CNTN5: variants seen among roughly 807,000 people sequenced by gnomAD.
CNTN5 encodes contactin-5.
A neutral mutation model predicts 129.1 loss-of-function variants in CNTN5; 77 were observed. The ratio of observed to expected loss-of-function variants is 0.60; its 90% CI spans 0.50 to 0.72. CNTN5 has a LOEUF of 0.72. CNTN5 is among the 30% of genes least tolerant of loss of function. The pLI is 0.00. For missense variants in CNTN5, 1,478 were observed against 1,328.8 expected (o/e 1.11, Z -1.75); for synonymous variants, 509 against 465.6 (o/e 1.09, Z -1.20).
At chr11:99,356,628 G>C (rs1938692254) in intron 2 of CNTN5, among the ~76,000 whole-genome samples, 1 of 152,152 alleles carries the variant, frequency 6.6e-6, no homozygotes, top group South Asian at 2.1e-4. Context: ...AACCCTCTTA[G>C]AGTATATTTA....
chr11:100,148,409 A>C lies in CNTN5; in HGVS notation c.1581-42717A>C, dbSNP rs543481292. 2.2e-4 allele frequency among the ~76,000 whole-genome samples: 34 copies of C among 152,336 alleles called. 1 individual carries two copies. The highest frequency in any genetic ancestry group is 1.4e-3 in the Admixed American group (21 of 15,294). On this transcript the variant is annotated intron_variant, in intron 13 of 24. Transcript: ENST00000524871. ...TAACTCATGTTTCAATGTGAAAGAC[A>C]AATAGCCATAGCCTCTTTCTCTTTT...
intron 4 of CNTN5, among the ~76,000 whole-genome samples, chr11:99,823,523 G>A (rs949645862): frequency 6.6e-6 from 1 of 151,458 alleles, no homozygotes; most frequent in African/African-American, 2.4e-5. Flanking sequence ...GAAAAAAAAA[G>A]GCAAATGCTG....
chr11:99,783,752 T>C (rs1253425625), intron 3 of CNTN5, among the ~76,000 whole-genome samples: 1 of 149,516 alleles, frequency 6.7e-6, no homozygotes, highest in African/African-American at 2.5e-5. Flanking sequence ...TTCTCACTCA[T>C]AGGTGGGAAT....
intron 20 of CNTN5, among the ~76,000 whole-genome samples, chr11:100,303,451 TC>T (rs1302568408): frequency 1.3e-5 from 2 of 151,748 alleles, no homozygotes; most frequent in African/African-American, 4.8e-5. Context: ...TTAGTTCTTC[TC>T]ACCATAACTT....
intron 2 of CNTN5, among the ~76,000 whole-genome samples, chr11:99,459,634 A>C (rs532709367): frequency 6.6e-6 from 1 of 152,070 alleles, no homozygotes; most frequent in Non-Finnish European, 1.5e-5. Context: ...TCAGGAATAT[A>C]TTTTTTTCTA....
intron 13 of CNTN5, among the ~76,000 whole-genome samples, chr11:100,099,829 G>A (rs933678625): frequency 6.6e-6 from 1 of 151,910 alleles, no homozygotes; most frequent in Non-Finnish European, 1.5e-5. Flanking sequence ...TAAGTTACGT[G>A]TTATCTCATT....
At chr11:99,865,568 A>G (rs1219834626) in intron 6 of CNTN5, among the ~76,000 whole-genome samples, 1 of 151,998 alleles carries the variant, frequency 6.6e-6, no homozygotes, top group Non-Finnish European at 1.5e-5. Flanking sequence ...TTAATGATAT[A>G]ACTACTTGAG....
At chr11:99,797,641 T>C (rs1435426715) in intron 3 of CNTN5, among the ~76,000 whole-genome samples, 2 of 152,132 alleles carry the variant, frequency 1.3e-5, no homozygotes, top group Non-Finnish European at 2.9e-5. Flanking sequence ...TTTTTGCTTG[T>C]TAATCTGTTT....
rs780123370 is a variant in CNTN5, at chr11:99,719,970, C to T, written c.56-99574C>T. 3.1e-4 allele frequency among the ~76,000 whole-genome samples: 47 copies of T among 152,042 alleles called. 1 individual carries two copies. Among genetic ancestry groups the T allele is most frequent in the Non-Finnish European group, 6.2e-4 (42 of 68,004 alleles). On this transcript the variant is annotated intron_variant, in intron 3 of 24. Coordinates refer to ENST00000524871, the MANE Select transcript of CNTN5 (RefSeq NM_014361.4). ...ACTGGACACATACACTCTCCTAAGACTGAGCTAGGTAGAAATCAATTCCCT... is the reference window on the plus strand; with the variant it reads ...ACTGGACACATACACTCTCCTAAGATTGAGCTAGGTAGAAATCAATTCCCT...
At chr11:99,296,843 C>CT (rs1353692484) in intron 1 of CNTN5, among the ~76,000 whole-genome samples, 1 of 152,130 alleles carries the variant, frequency 6.6e-6, no homozygotes, top group Non-Finnish European at 1.5e-5. Context: ...ATATTTCTGG[C>CT]TTTTGAATTT....
In CNTN5 at chr11:100,170,442, C is replaced by T. The variant is rs1474761735; in HGVS notation, c.1581-20684C>T. On this transcript the variant is annotated intron_variant, in intron 13 of 24. Transcript: ENST00000524871. ...ACTATCATATTTCTCCAAAACCTTTCTATTTATGGCACTGGCTAAGCCCTA... is the reference window on the plus strand; with the variant it reads ...ACTATCATATTTCTCCAAAACCTTTTTATTTATGGCACTGGCTAAGCCCTA... Among the ~76,000 whole-genome samples, 3 of 152,034 alleles carry T rather than the reference C, an allele frequency of 2.0e-5. No individual in the cohort carries two copies. In the East Asian group the frequency reaches 5.8e-4, roughly 30 times the overall value.
chr11:99,880,710 C>T (rs1324650722), intron 6 of CNTN5, among the ~76,000 whole-genome samples: 2 of 151,940 alleles, frequency 1.3e-5, no homozygotes, highest in Non-Finnish European at 2.9e-5. Flanking sequence ...CTGGCCTTGA[C>T]AAAAAATAAT....
At chr11:99,674,399 G>C (rs1235122267) in intron 3 of CNTN5, among the ~76,000 whole-genome samples, 1 of 151,940 alleles carries the variant, frequency 6.6e-6, no homozygotes, top group Non-Finnish European at 1.5e-5. Flanking sequence ...CCGTTATGTA[G>C]GTTGCCTGTT....
intron 7 of CNTN5, among the ~76,000 whole-genome samples, chr11:99,935,826 A>T (rs1350762120): frequency 6.6e-6 from 1 of 152,110 alleles, no homozygotes; most frequent in Non-Finnish European, 1.5e-5. Flanking sequence ...TGCTCAAACC[A>T]ATGAACTTTA....
At chr11:99,723,151 C>G (rs942160188) in intron 3 of CNTN5, among the ~76,000 whole-genome samples, 1 of 151,944 alleles carries the variant, frequency 6.6e-6, no homozygotes, top group East Asian at 1.9e-4. Flanking sequence ...ATTCTATGAC[C>G]TGGTATATAA....
intron 3 of CNTN5, among the ~76,000 whole-genome samples, chr11:99,718,035 A>G (rs1019510566): frequency 2.0e-5 from 3 of 152,092 alleles, no homozygotes; most frequent in Non-Finnish European, 2.9e-5. Context: ...AAATTGCCTC[A>G]TTCTGAAATG....
At chr11:99,286,489 T>C (rs929125732) in intron 1 of CNTN5, among the ~76,000 whole-genome samples, 2 of 152,334 alleles carry the variant, frequency 1.3e-5, no homozygotes, top group South Asian at 2.1e-4. Flanking sequence ...ATATTAGTTA[T>C]GGACTTAGTA....
intron 3 of CNTN5, among the ~76,000 whole-genome samples, chr11:99,633,998 G>A (rs914228423): frequency 4.6e-5 from 7 of 152,130 alleles, no homozygotes; most frequent in African/African-American, 1.7e-4. Flanking sequence ...CTGCTTGAGA[G>A]GTTAGCATAC....
intron 1 of CNTN5, among the ~76,000 whole-genome samples, chr11:99,196,316 T>C (rs988415027): frequency 6.6e-6 from 1 of 151,818 alleles, no homozygotes; most frequent in African/African-American, 2.4e-5. Flanking sequence ...GTTTAATATA[T>C]AGTTTGCATT....
Sources: gnomAD v4.1 joint callset for allele counts (sites outside exome capture counted in the v4.1 genomes callset) on GRCh38, gnomAD v4.1.1 for gene constraint, MANE v1.5 for transcripts, NCBI Gene and HGNC (gene_info 2026-07-23, HGNC 2026-07-21) for gene names.